The following PSD3 variants were observed in gnomAD, a reference collection of about 807,000 sequenced individuals.
PSD3 encodes the protein pleckstrin and Sec7 domain containing 3.
Under a neutral mutation model 105.5 loss-of-function variants are expected in PSD3, and 49 were observed. The ratio of observed to expected loss-of-function variants is 0.46; its 90% confidence interval spans 0.37 to 0.59. The LOEUF is 0.59. Among genes scored for constraint, PSD3 ranks in the 20% least tolerant of loss-of-function variants. PSD3 has a pLI of 0.00. For synonymous variants in PSD3, 557 were observed against 457.8 expected (o/e 1.22, Z -2.77); for missense variants, 1,561 against 1,263.8 (o/e 1.24, Z -3.57).
intron 4 of PSD3, among the ~76,000 whole-genome samples, chr8:18,810,870 C>T (rs1274782094): frequency 2.0e-5 from 3 of 152,106 alleles, no homozygotes; most frequent in Non-Finnish European, 2.9e-5. Context: ...GACAAGAGGG[C>T]GGGTACAAAC....
chr8:18,610,701 T>C (rs1453757870), intron 11 of PSD3, among the ~76,000 whole-genome samples: 2 of 152,168 alleles, frequency 1.3e-5, no homozygotes, highest in Non-Finnish European at 2.9e-5. Context: ...GAATAAGAAA[T>C]GAAAACAAAG....
chr8:18,949,644 A>C (rs1027685659), intron 1 of PSD3, among the ~76,000 whole-genome samples: 5 of 152,134 alleles, frequency 3.3e-5, no homozygotes, highest in African/African-American at 1.2e-4. Context: ...ATAGGACATA[A>C]ATCGTGACCA....
chr8:18,639,740 T>G (rs1807508264), intron 10 of PSD3, among the ~76,000 whole-genome samples: 1 of 152,102 alleles, frequency 6.6e-6, no homozygotes, highest in African/African-American at 2.4e-5. Context: ...AAATCTGGGT[T>G]TTTAAAGCCC....
intron 1 of PSD3, among the ~76,000 whole-genome samples, chr8:18,943,491 A>AGACC (rs1822681947): frequency 6.6e-6 from 1 of 152,180 alleles, no homozygotes; most frequent in African/African-American, 2.4e-5. Flanking sequence ...CTGACACAGG[A>AGACC]GACCACAGGA....
At chr8:18,889,757 T>G (rs1245546643) in intron 2 of PSD3, among the ~76,000 whole-genome samples, 2 of 152,198 alleles carry the variant, frequency 1.3e-5, no homozygotes, top group Non-Finnish European at 2.9e-5. Context: ...CATGTCTGGA[T>G]GTCTCCCCAT....
chr8:18,630,390 G>A (rs1297020695), intron 11 of PSD3, among the ~76,000 whole-genome samples: 2 of 151,920 alleles, frequency 1.3e-5, no homozygotes, highest in African/African-American at 4.8e-5. Context: ...AGGGAGAAGA[G>A]CTTCTACCCG....
At chr8:18,921,905 G>A (rs979564034) in intron 2 of PSD3, among the ~76,000 whole-genome samples, 7 of 152,206 alleles carry the variant, frequency 4.6e-5, no homozygotes, top group African/African-American at 1.4e-4. Context: ...GGCACACTCA[G>A]TGTTGGCATT....
At chr8:18,751,024 G>A (rs367827556) in intron 9 of PSD3, among the ~76,000 whole-genome samples, 14 of 152,272 alleles carry the variant, frequency 9.2e-5, no homozygotes, top group East Asian at 3.9e-4. Flanking sequence ...CTGCCTGCCA[G>A]TCCTGCGCGA....
intron 1 of PSD3, among the ~76,000 whole-genome samples, chr8:19,055,572 C>G (rs1160671268): frequency 6.6e-6 from 1 of 151,988 alleles, no homozygotes; most frequent in Non-Finnish European, 1.5e-5. Context: ...ACTTTTTTTT[C>G]ACTGGTCTGC....
At chr8:18,747,869 T>C (rs1337054141) in intron 9 of PSD3, among the ~76,000 whole-genome samples, 1 of 151,196 alleles carries the variant, frequency 6.6e-6, no homozygotes, top group African/African-American at 2.4e-5. Context: ...TTTGCAGGCC[T>C]CTAATCATCA....
At chr8:18,774,105 T>A (rs1050750525) in intron 8 of PSD3, among the ~76,000 whole-genome samples, 10 of 152,188 alleles carry the variant, frequency 6.6e-5, no homozygotes, top group Admixed American at 1.3e-4. Context: ...CCTAATAGGT[T>A]TTTTCTTTTG....
intron 9 of PSD3, among the ~76,000 whole-genome samples, chr8:18,695,260 T>G (rs965122598): frequency 2.5e-4 from 32 of 126,404 alleles, no homozygotes; most frequent in African/African-American, 9.1e-4. Context: ...GAAATCTTAA[T>G]CTCTCTCAGA....
chr8:18,814,867 G>GT (rs1586103399), intron 4 of PSD3, among the ~76,000 whole-genome samples: 1 of 152,180 alleles, frequency 6.6e-6, no homozygotes, highest in East Asian at 1.9e-4. Flanking sequence ...ATTAGTATCA[G>GT]TGTATATGCA....
chr8:18,541,235 C>T (rs374184422), intron 15 of PSD3, among the ~76,000 whole-genome samples: 1 of 150,730 alleles, frequency 6.6e-6, no homozygotes, highest in African/African-American at 2.4e-5. Flanking sequence ...AAGGACTTTG[C>T]GTTTGTTTAC....
intron 8 of PSD3, among the ~76,000 whole-genome samples, chr8:18,773,687 C>T (rs973427154): frequency 6.6e-6 from 1 of 152,090 alleles, no homozygotes; most frequent in Admixed American, 6.5e-5. Flanking sequence ...AATCAGGAGT[C>T]CTCCAATTTT....
At chr8:18,649,443 G>C (rs1004105570) in intron 10 of PSD3, among the ~76,000 whole-genome samples, 8 of 152,198 alleles carry the variant, frequency 5.3e-5, no homozygotes, top group African/African-American at 1.9e-4. Context: ...TTTTGGAATA[G>C]GAGTATTTAG....
chr8:19,018,494 A>C (rs904415478), upstream of PSD3, among the ~76,000 whole-genome samples: 1 of 152,178 alleles, frequency 6.6e-6, no homozygotes, highest in Non-Finnish European at 1.5e-5. Context: ...ATTTTACTTC[A>C]ATAAAAGAAA....
rs1318286176 is a variant in PSD3, at chr8:18,534,677, C to A, written c.*1066G>T. On this transcript the variant is annotated 3_prime_UTR_variant, in exon 16 of 16. Coordinates refer to ENST00000327040, the MANE Select transcript of PSD3 (RefSeq NM_015310.4). ...TTAAAGAACCAATATCCATCGTGGA[C>A]AACTGCAGCTACGTTTTCCTTCCTT... The A allele has an allele frequency of 6.6e-6, 1 of 152,196 alleles. No homozygotes were observed. Among genetic ancestry groups the A allele is most frequent in the Non-Finnish European group, 1.5e-5 (1 of 68,024 alleles). The allele number at this position is 152,196 out of a possible 1,614,324, so 9.4% of individuals were successfully genotyped here.
At chr8:18,851,513 C>G (rs530652286) in intron 4 of PSD3, among the ~76,000 whole-genome samples, 1 of 152,246 alleles carries the variant, frequency 6.6e-6, no homozygotes, top group Non-Finnish European at 1.5e-5. Context: ...CCCTCTGCTA[C>G]GAGGCAAGCT....
Sources: gnomAD v4.1 joint callset for allele counts (sites outside exome capture counted in the v4.1 genomes callset) on GRCh38, gnomAD v4.1.1 for gene constraint, MANE v1.5 for transcripts, NCBI Gene and HGNC (gene_info 2026-07-23, HGNC 2026-07-21) for gene names.